CACNA2D3: variants seen among roughly 807,000 people sequenced by gnomAD.
CACNA2D3 encodes the protein voltage-dependent calcium channel subunit alpha-2/delta-3.
CACNA2D3 carries 60 observed loss-of-function variants against 160.6 expected under a neutral mutation model. That is an observed-to-expected ratio of 0.37 (90% CI 0.30 to 0.46). The LOEUF (loss-of-function observed/expected upper bound fraction) is 0.46, where lower values mean the gene tolerates loss of function less well. Among genes scored for constraint, CACNA2D3 ranks in the 20% least tolerant of loss-of-function variants. CACNA2D3 has a pLI of 1.00. For synonymous variants in CACNA2D3, 558 were observed against 492.9 expected (o/e 1.13, Z -1.75); for missense variants, 1,205 against 1,365.0 (o/e 0.88, Z 1.85).
intron 4 of CACNA2D3, among the ~76,000 whole-genome samples, chr3:54,422,661 A>G (rs947482728): frequency 6.6e-6 from 1 of 152,170 alleles, no homozygotes; most frequent in East Asian, 1.9e-4. Context: ...TGGCAAAATA[A>G]TAATGATGAT....
chr3:54,693,259 G>T (rs1175028975), intron 11 of CACNA2D3, among the ~76,000 whole-genome samples: 2 of 152,194 alleles, frequency 1.3e-5, no homozygotes, highest in Non-Finnish European at 2.9e-5. Flanking sequence ...GTCATGCTCT[G>T]CATAACGATG....
chr3:54,287,105 A>G (rs1015850300), intron 2 of CACNA2D3, among the ~76,000 whole-genome samples: 76 of 152,102 alleles, frequency 5.0e-4, no homozygotes, highest in Admixed American at 8.5e-4. Flanking sequence ...AATGGACTAA[A>G]TGCTCCAATT....
chr3:54,183,280 A>C (rs1279383359), intron 2 of CACNA2D3, among the ~76,000 whole-genome samples: 3 of 149,622 alleles, frequency 2.0e-5, no homozygotes, highest in Non-Finnish European at 4.4e-5. Context: ...AAAATTCCAT[A>C]GTAGTTTGCA....
chr3:54,417,778 G>GTC (rs1699777180), intron 4 of CACNA2D3, among the ~76,000 whole-genome samples: 1 of 112,820 alleles, frequency 8.9e-6, no homozygotes, highest in African/African-American at 3.9e-5. Flanking sequence ...TGTGGTGTGT[G>GTC]TGTGTATCTG....
chr3:54,593,301 C>T (rs1364786996), intron 9 of CACNA2D3, among the ~76,000 whole-genome samples: 1 of 151,878 alleles, frequency 6.6e-6, no homozygotes, highest in East Asian at 1.9e-4. Flanking sequence ...GAGTGATAAT[C>T]ATATATGGTT....
chr3:54,959,244 G>A (rs61454541), intron 27 of CACNA2D3, among the ~76,000 whole-genome samples: 60,796 of 152,076 alleles, frequency 0.4, 13,298 homozygotes, highest in East Asian at 0.56. Context: ...GCGGCACAGG[G>A]TGGTGTTCAG....
At chr3:54,348,757 C>T (rs980836505) in intron 3 of CACNA2D3, among the ~76,000 whole-genome samples, 6 of 152,188 alleles carry the variant, frequency 3.9e-5, no homozygotes, top group Non-Finnish European at 7.3e-5. Context: ...GAGACGGAGT[C>T]TCGCTCTGTC....
intron 10 of CACNA2D3, among the ~76,000 whole-genome samples, chr3:54,629,064 G>C (rs139505049): frequency 1.3e-4 from 20 of 152,124 alleles, no homozygotes; most frequent in Admixed American, 1.3e-3. Context: ...TTGTCAAACT[G>C]TTGGGGAGCT....
intron 18 of CACNA2D3, chr3:54,878,724 G>A (rs764133382): frequency 3.5e-5 from 9 of 256,700 alleles, no homozygotes; most frequent in East Asian, 1.4e-4. Flanking sequence ...GCATTTCAGC[G>A]GGTCTCCAGG....
intron 25 of CACNA2D3, 85 bp downstream of exon 25, chr3:54,891,535 C>A: frequency 9.4e-7 from 1 of 1,062,152 alleles, no homozygotes; most frequent in Non-Finnish European, 1.4e-6. Flanking sequence ...TTCTTGATTC[C>A]ACTACTGGTA....
rs1009971054 is a variant in CACNA2D3 at position 54,787,682 on chromosome 3, C to T, written c.1380+23331C>T. Among the ~76,000 whole-genome samples, 8 of 152,116 alleles carry T rather than the reference C, an allele frequency of 5.3e-5. No homozygotes were observed. The East Asian group carries it at 1.5e-3, about 29-fold the overall frequency. On this transcript the variant is annotated intron_variant, in intron 13 of 37. Transcript: ENST00000474759. ...GACAAAGGAAAGGAGGTTTAGGCTT[C>T]TAGGGGTGGCACATTGTGGGAAGGT...
intron 35 of CACNA2D3, among the ~76,000 whole-genome samples, chr3:55,033,596 A>G (rs1023695231): frequency 2.4e-4 from 34 of 144,596 alleles, no homozygotes; most frequent in African/African-American, 6.6e-4. Flanking sequence ...ATATATATAT[A>G]TATATATATA....
intron 2 of CACNA2D3, among the ~76,000 whole-genome samples, chr3:54,145,595 A>G (rs987903097): frequency 6.6e-6 from 1 of 152,178 alleles, no homozygotes; most frequent in Non-Finnish European, 1.5e-5. Context: ...GCATATCCCC[A>G]CATCCTGGGG....
rs576665141 is a variant in CACNA2D3, at chr3:54,688,466, G to A, written c.1167+46225G>A. The stretch of plus-strand genomic sequence containing the variant: ...GTGAAGGAATGAATGAACAAATGAA[G>A]GAGGGAAGGAAAGGAGAAGAAAGGT... On this transcript the variant is annotated intron_variant, in intron 11 of 37. Transcript: ENST00000474759. Among the ~76,000 whole-genome samples, 9 of 152,138 alleles carry A rather than the reference G, an allele frequency of 5.9e-5. No homozygotes were observed. The South Asian group carries it at 1.9e-3, about 32-fold the overall frequency.
chr3:54,400,650 A>T (rs1359949907), intron 4 of CACNA2D3, among the ~76,000 whole-genome samples: 1 of 152,196 alleles, frequency 6.6e-6, no homozygotes, highest in Non-Finnish European at 1.5e-5. Flanking sequence ...TCACAGCTGA[A>T]GAAGCTTCAC....
intron 3 of CACNA2D3, among the ~76,000 whole-genome samples, chr3:54,329,778 C>A (rs924487953): frequency 6.6e-6 from 1 of 152,106 alleles, no homozygotes; most frequent in African/African-American, 2.4e-5. Context: ...TAATAAAAGA[C>A]CACTGTCTAT....
At chr3:54,139,541 T>C (rs9852858) in intron 2 of CACNA2D3, among the ~76,000 whole-genome samples, 34,959 of 152,120 alleles carry the variant, frequency 0.23, 4,082 homozygotes, top group South Asian at 0.25. Flanking sequence ...ATTCTTAGAG[T>C]TGTGTATGGG....
Position 55,073,838 on chromosome 3 carries a change from T to C in CACNA2D3, c.3162T>C (p.Ser1054=). Residue 1054 remains serine, a synonymous_variant, in exon 37 of 38, where the codon TCT becomes TCC. Coordinates refer to ENST00000474759, the MANE Select transcript of CACNA2D3 (RefSeq NM_018398.3). The part of the protein sequence containing the change: ...KAQKIRRRPE[S]CHGFHPEENA... ...AGAAGATCAGAAGGCGCCCAGAATC[T>C]TGTCATGGCTTCCATCCTGAGGTAA... 6.2e-7 allele frequency: 1 copy of C among 1,613,688 alleles called. No individual in the cohort carries two copies. Among genetic ancestry groups the C allele is most frequent in the Admixed American group, 1.7e-5 (1 of 60,010 alleles).
chr3:54,607,485 G>A (rs552751374), intron 9 of CACNA2D3, among the ~76,000 whole-genome samples: 10 of 151,980 alleles, frequency 6.6e-5, no homozygotes, highest in East Asian at 1.9e-4. Context: ...TATATCCCCC[G>A]GCAAGACTCT....
Sources: gnomAD v4.1 joint callset for allele counts (sites outside exome capture counted in the v4.1 genomes callset) on GRCh38, gnomAD v4.1.1 for gene constraint, MANE v1.5 for transcripts, NCBI Gene and HGNC (gene_info 2026-07-23, HGNC 2026-07-21) for gene names.